The following CHP1 variants were observed in gnomAD, a reference collection of about 807,000 sequenced individuals.
The protein encoded by CHP1 is calcineurin B homologous protein 1.
Under a neutral mutation model 27.4 loss-of-function variants are expected in CHP1, and 11 were observed. The observed-to-expected ratio is 0.40, with a 90% CI of 0.25 to 0.67. The LOEUF is 0.67. Among genes scored for constraint, CHP1 ranks in the 30% least tolerant of loss-of-function variants. The pLI, the probability that CHP1 is intolerant of heterozygous loss-of-function variation, is 0.38. For missense variants in CHP1, 169 were observed against 251.3 expected, an observed-to-expected ratio of 0.67 and a Z score of 2.22; for synonymous variants, 89 against 87.4, an observed-to-expected ratio of 1.02 and a Z score of -0.10.
chr15:41,261,860 C>T (rs564212728), intron 3 of CHP1, among the ~76,000 whole-genome samples: 6 of 152,174 alleles, frequency 3.9e-5, no homozygotes, highest in African/African-American at 1.4e-4. Context: ...AGCGTGGTGG[C>T]GCATGCCTGT....
intron 1 of CHP1, among the ~76,000 whole-genome samples, chr15:41,241,939 C>G (rs1432447175): frequency 6.6e-6 from 1 of 152,164 alleles, no homozygotes; most frequent in East Asian, 1.9e-4. Context: ...CCCTTTTTGG[C>G]TGTTGTCTTT....
chr15:41,248,513 G>A (rs916528832), intron 2 of CHP1, among the ~76,000 whole-genome samples: 1 of 152,006 alleles, frequency 6.6e-6, no homozygotes, highest in Non-Finnish European at 1.5e-5. Flanking sequence ...CAGTCCTCCC[G>A]CCATGGCCTC....
intron 4 of CHP1, among the ~76,000 whole-genome samples, chr15:41,265,571 C>CGTG: frequency 6.6e-6 from 1 of 151,080 alleles, no homozygotes; most frequent in African/African-American, 2.4e-5. Context: ...ATTAGCTGGG[C>CGTG]GTGGTGGCGG....
intron 1 of CHP1, among the ~76,000 whole-genome samples, chr15:41,233,039 G>A (rs2047260226): frequency 6.6e-6 from 1 of 152,112 alleles, no homozygotes; most frequent in South Asian, 2.1e-4. Flanking sequence ...TCCTTTTCAC[G>A]ATTTGAATGA....
At chr15:41,234,380 AG>A (rs2047266761) in intron 1 of CHP1, 1 of 152,226 alleles carries the variant, frequency 6.6e-6, no homozygotes, top group Admixed American at 6.5e-5. Flanking sequence ...TCTTCTATGA[AG>A]AATTTGGAAA....
At chr15:41,231,703 C>A (rs1007531293) in intron 1 of CHP1, among the ~76,000 whole-genome samples, 1 of 152,062 alleles carries the variant, frequency 6.6e-6, no homozygotes, top group Non-Finnish European at 1.5e-5. Flanking sequence ...TCGACGCCCC[C>A]CTTTTCTGCA....
At chr15:41,264,327 C>A in intron 4 of CHP1, 1 of 564,618 alleles carries the variant, frequency 1.8e-6, no homozygotes, top group Non-Finnish European at 2.6e-6. Flanking sequence ...CCTCCTGATG[C>A]TGTGATTGGG....
At chr15:41,260,230 T>C (rs559363798) in intron 3 of CHP1, among the ~76,000 whole-genome samples, 13 of 151,886 alleles carry the variant, frequency 8.6e-5, no homozygotes, top group African/African-American at 1.2e-4. Context: ...AAATAAATTA[T>C]ATTATGTTAC....
At chr15:41,238,659 T>G (rs1297885789) in intron 1 of CHP1, among the ~76,000 whole-genome samples, 1 of 148,470 alleles carries the variant, frequency 6.7e-6, no homozygotes, top group Non-Finnish European at 1.5e-5. Flanking sequence ...GCTAACACGG[T>G]GAAACCTGGT....
chr15:41,259,443 C>T (rs549953867), intron 3 of CHP1, among the ~76,000 whole-genome samples: 7 of 151,694 alleles, frequency 4.6e-5, no homozygotes, highest in Non-Finnish European at 5.9e-5. Context: ...TAGCAAGCTG[C>T]GACTCTGCTT....
intron 1 of CHP1, among the ~76,000 whole-genome samples, chr15:41,243,159 G>A (rs1205872864): frequency 6.6e-6 from 1 of 151,924 alleles, no homozygotes; most frequent in Non-Finnish European, 1.5e-5. Flanking sequence ...AGCCAACATG[G>A]CGAAACCCCG....
Position 41,243,695 on chromosome 15 carries a change from C to T in CHP1, c.96C>T (p.Tyr32=), listed in dbSNP as rs753821071. The T allele has an allele frequency of 6.8e-6, 11 of 1,613,988 alleles. No homozygotes were observed. The highest frequency in any genetic ancestry group is 2.7e-5 in the African/African-American group (2 of 74,922). Residue 32 remains tyrosine (Y), a synonymous_variant, in exon 2 of 7, where the codon TAC becomes TAT. Transcript: ENST00000334660. The part of the protein sequence containing the change: ...GFSHSQITRL[Y]SRFTSLDKGE... ...CCCACAGTCAAATCACTCGCCTCTA[C>T]AGCCGGTTCACCAGCCTGGACAAAG...
intron 1 of CHP1, among the ~76,000 whole-genome samples, chr15:41,233,116 A>T (rs1255368942): frequency 6.6e-6 from 1 of 152,166 alleles, no homozygotes; most frequent in Non-Finnish European, 1.5e-5. Flanking sequence ...TGACCCTCGG[A>T]GTGGAGACGC....
intron 2 of CHP1, among the ~76,000 whole-genome samples, chr15:41,252,929 T>G (rs1228178305): frequency 2.8e-4 from 3 of 10,804 alleles, no homozygotes; most frequent in Non-Finnish European, 8.4e-4. Flanking sequence ...TTCACATGGT[T>G]TTTTTTTTTT....
chr15:41,268,540 G>T (rs1197236036), intron 4 of CHP1, among the ~76,000 whole-genome samples: 1 of 151,888 alleles, frequency 6.6e-6, no homozygotes, highest in African/African-American at 2.4e-5. Flanking sequence ...AGCTACTCGG[G>T]AGTCTGAGGC....
At chr15:41,278,332 C>CAAA (rs61453137) in intron 5 of CHP1, among the ~76,000 whole-genome samples, 11 of 78,530 alleles carry the variant, frequency 1.4e-4, no homozygotes, top group African/African-American at 3.9e-4. Flanking sequence ...GACTCCGTCT[C>CAAA]AAAAAAAAAA....
chr15:41,248,293 C>T (rs186857595), intron 2 of CHP1, among the ~76,000 whole-genome samples: 10 of 152,246 alleles, frequency 6.6e-5, no homozygotes, highest in African/African-American at 1.4e-4. Context: ...GGACTACAGG[C>T]ATGCATCACT....
chr15:41,279,728 TTC>T lies in CHP1; in HGVS notation c.*340_*341del. On this transcript the variant is annotated 3_prime_UTR_variant, in exon 7 of 7. Coordinates refer to ENST00000334660, the MANE Select transcript of CHP1 (RefSeq NM_007236.5). The stretch of plus-strand genomic sequence containing the variant: ...GCCAAGAACAAGCCAGCAAAGCTCT[TTC>T]ACCAGATGTAGACTGTAGCCCTGCT... The T allele has an allele frequency of 1.5e-5, 4 of 258,942 alleles. No homozygotes were observed. The Admixed American group carries it at 2.1e-4, about 14-fold the overall frequency. 16.0% of individuals were successfully genotyped at this position (258,942 alleles called of 1,614,324 possible).
At chr15:41,267,869 G>A (rs1178828734) in intron 4 of CHP1, among the ~76,000 whole-genome samples, 1 of 148,988 alleles carries the variant, frequency 6.7e-6, no homozygotes, top group Non-Finnish European at 1.5e-5. Flanking sequence ...AGAAGTTTGG[G>A]TCTGCAGTGA....
Sources: gnomAD v4.1 joint callset for allele counts (sites outside exome capture counted in the v4.1 genomes callset) on GRCh38, gnomAD v4.1.1 for gene constraint, MANE v1.5 for transcripts, NCBI Gene and HGNC (gene_info 2026-07-23, HGNC 2026-07-21) for gene names.